The following AGBL1 variants were observed in gnomAD, a reference collection of about 807,000 sequenced individuals.
AGBL1 encodes the protein cytosolic carboxypeptidase 4.
In AGBL1, 130 loss-of-function variants were observed where a neutral mutation model predicts 118.9. That is an observed-to-expected ratio of 1.09 (90% CI 0.95 to 1.26). The LOEUF is 1.26. Ranked by LOEUF, AGBL1 falls within the 50% of genes most tolerant of loss-of-function variation. The pLI is 0.00. For synonymous variants in AGBL1, 555 were observed against 478.9 expected (o/e 1.16, Z -2.08); for missense variants, 1,584 against 1,298.1 (o/e 1.22, Z -3.38).
At chr15:86,134,604 C>CTTTTTTTTTTTTT (rs141645590) in intron 1 of AGBL1, among the ~76,000 whole-genome samples, 2 of 84,614 alleles carry the variant, frequency 2.4e-5, no homozygotes. Context: ...TCAATGGTGC[C>CTTTTTTTTTTTTT]TTTTTTTTTT....
chr15:86,588,409 C>T (rs2084284648), intron 21 of AGBL1, among the ~76,000 whole-genome samples: 2 of 152,216 alleles, frequency 1.3e-5, no homozygotes, highest in South Asian at 4.1e-4. Flanking sequence ...CCTCCCCACT[C>T]CTGCCCCTAC....
In AGBL1 at chr15:86,171,157, C is replaced by A. The variant is rs368045712; in HGVS notation, c.488+12131C>A. Among the ~76,000 whole-genome samples, 262 of 152,174 alleles carry A rather than the reference C, an allele frequency of 1.7e-3. 4 individuals are homozygous for A. The South Asian group carries it at 0.05, about 29-fold the overall frequency. The stretch of plus-strand genomic sequence containing the variant: ...AGAAATATTAAAAGAAAACTTTAGG[C>A]AGAAGGAAAATGATACGAGTGGAAA... On this transcript the variant is annotated intron_variant, in intron 5 of 22. Transcript: ENST00000614907.
chr15:86,286,733 G>GTGTGTGTA (rs2079456204), intron 16 of AGBL1, among the ~76,000 whole-genome samples: 1 of 70,272 alleles, frequency 1.4e-5, no homozygotes, highest in African/African-American at 8.4e-5. Context: ...GTGTTTGTGT[G>GTGTGTGTA]TGTATATATA....
In AGBL1 at chr15:86,645,826, C is replaced by T. The variant is rs551178173; in HGVS notation, c.2995-28447C>T. On this transcript the variant is annotated intron_variant, in intron 21 of 22. Coordinates refer to ENST00000614907, the MANE Select transcript of AGBL1 (RefSeq NM_001386094.1). ...TAAAATCCATATTATTTTTACTGCA[C>T]CACCAATGAGCTGAACGTTCCAAGC... 2.0e-5 allele frequency among the ~76,000 whole-genome samples: 3 copies of T among 152,254 alleles called. No individual in the cohort carries two copies. The East Asian group carries it at 5.8e-4, about 29-fold the overall frequency.
chr15:86,571,152 G>A (rs897481798), intron 21 of AGBL1, among the ~76,000 whole-genome samples: 4 of 152,132 alleles, frequency 2.6e-5, no homozygotes, highest in African/African-American at 9.7e-5. Context: ...GGAGATGCCA[G>A]GAACTGCTGG....
chr15:86,183,701 A>G (rs1377636123), intron 5 of AGBL1, among the ~76,000 whole-genome samples: 1 of 152,246 alleles, frequency 6.6e-6, no homozygotes, highest in Non-Finnish European at 1.5e-5. Flanking sequence ...CCCTAATCAT[A>G]GTAATCCTCA....
chr15:86,352,991 A>G (rs1417646533), intron 17 of AGBL1, among the ~76,000 whole-genome samples: 2 of 152,226 alleles, frequency 1.3e-5, no homozygotes, highest in Non-Finnish European at 2.9e-5. Flanking sequence ...TTTCAATGAT[A>G]TGAAATGATA....
intron 21 of AGBL1, among the ~76,000 whole-genome samples, chr15:86,641,333 A>G (rs973664248): frequency 6.6e-6 from 1 of 152,164 alleles, no homozygotes; most frequent in Admixed American, 6.6e-5. Flanking sequence ...CAATATACAA[A>G]TAACGTATAG....
rs556558158 is a variant in AGBL1, at chr15:86,478,096, C to G, written c.2556-44714C>G. ...GGGACGTATCTCAAAATAATAAGAG[C>G]TATTTATGACAAACCCACAGCCAAT... On this transcript the variant is annotated intron_variant, in intron 18 of 22. Coordinates refer to ENST00000614907, the MANE Select transcript of AGBL1 (RefSeq NM_001386094.1). Among the ~76,000 whole-genome samples, 271 of 152,186 alleles carry G rather than the reference C, an allele frequency of 1.8e-3. 8 individuals carry two copies. The South Asian group carries it at 0.053, about 30-fold the overall frequency.
chr15:86,556,372 A>T, intron 21 of AGBL1: 1 of 1,215,366 alleles, frequency 8.2e-7, no homozygotes, highest in Non-Finnish European at 1.2e-6. Flanking sequence ...AGAACTGGCT[A>T]GAGAAAGCCC....
At chr15:86,511,683 G>T (rs185217171) in intron 18 of AGBL1, among the ~76,000 whole-genome samples, 3 of 152,020 alleles carry the variant, frequency 2.0e-5, no homozygotes, top group Admixed American at 2.0e-4. Context: ...TTAATAAAAG[G>T]CATGGTACAA....
chr15:86,632,286 A>AG (rs1479641860), intron 21 of AGBL1, among the ~76,000 whole-genome samples: 1 of 150,252 alleles, frequency 6.7e-6, no homozygotes, highest in Admixed American at 6.6e-5. Context: ...AAAAAAAAAA[A>AG]AAAAAAGGCT....
At position 86,445,026 on chromosome 15, in the gene AGBL1, G is replaced by A. The variant is rs559894890; in HGVS notation, c.2555+47480G>A. On this transcript the variant is annotated intron_variant, in intron 18 of 22. Coordinates refer to ENST00000614907, the MANE Select transcript of AGBL1 (RefSeq NM_001386094.1). ...TTATATATAAAAAGGTGGAAACCAC[G>A]TTGTCTTTGCCTGTCTGAGTTGGGG... Among the ~76,000 whole-genome samples, 17 of 152,186 alleles carry A rather than the reference G, an allele frequency of 1.1e-4. No individual in the cohort carries two copies. In the South Asian group the frequency reaches 1.2e-3, roughly 11 times the overall value.
intron 5 of AGBL1, among the ~76,000 whole-genome samples, chr15:86,209,449 C>CT (rs1204656585): frequency 1.6e-4 from 24 of 152,134 alleles, no homozygotes; most frequent in Admixed American, 1.4e-3. Flanking sequence ...GTGTGGGAGT[C>CT]TAAGTCTCTT....
chr15:86,584,343 G>T (rs770887600), intron 21 of AGBL1, among the ~76,000 whole-genome samples: 1 of 151,860 alleles, frequency 6.6e-6, no homozygotes, highest in Admixed American at 6.6e-5. Flanking sequence ...CTTTTAATCC[G>T]TCTTGAGTTA....
chr15:86,290,537 A>G lies in AGBL1; in HGVS notation c.2221-4718A>G, dbSNP rs1282888883. ...AGCAATTTTTATGTATTTTTAGTAG[A>G]GATGGGGTCTTGCCATGTAGCCCAG... On this transcript the variant is annotated intron_variant, in intron 16 of 22. Transcript: ENST00000614907. Among the ~76,000 whole-genome samples the G allele has an allele frequency of 1.1e-4, 16 of 151,354 alleles. No individual in the cohort carries two copies. The South Asian group carries it at 3.3e-3, about 32-fold the overall frequency.
chr15:86,659,877 ACT>A (rs1246180762), intron 21 of AGBL1, among the ~76,000 whole-genome samples: 4 of 152,030 alleles, frequency 2.6e-5, no homozygotes, highest in Non-Finnish European at 5.9e-5. Context: ...CCATGGTAGG[ACT>A]GTTTGCTCTG....
intron 22 of AGBL1, among the ~76,000 whole-genome samples, chr15:86,832,397 A>G (rs888488612): frequency 6.6e-6 from 1 of 152,180 alleles, no homozygotes; most frequent in Non-Finnish European, 1.5e-5. Context: ...ATAAGTTCCA[A>G]TTCCAACCAT....
chr15:86,744,846 T>C (rs1326248971), intron 22 of AGBL1, among the ~76,000 whole-genome samples: 1 of 152,180 alleles, frequency 6.6e-6, no homozygotes, highest in Non-Finnish European at 1.5e-5. Context: ...TTTTTTGGTG[T>C]GAATTCAGTG....
Sources: allele counts gnomAD v4.1 joint callset (sites outside exome capture counted in the v4.1 genomes callset), GRCh38; gene constraint gnomAD v4.1.1; transcripts MANE v1.5; gene names NCBI Gene and HGNC (gene_info 2026-07-23, HGNC 2026-07-21).